The following HERC6 variants were observed in gnomAD, a reference collection of about 807,000 sequenced individuals.
HERC6 encodes the protein probable E3 ubiquitin-protein ligase HERC6.
In HERC6, 101 loss-of-function variants were observed where a neutral mutation model predicts 114.5. The ratio of observed to expected loss-of-function variants is 0.88; its 90% CI spans 0.75 to 1.04. HERC6 has a LOEUF of 1.04. HERC6 is among the 50% of genes least tolerant of loss of function. HERC6 has a pLI of 0.00. For missense variants in HERC6, 1,133 were observed against 1,230.9 expected, an observed-to-expected ratio of 0.92 and a Z score of 1.19; for synonymous variants, 408 against 436.2, an observed-to-expected ratio of 0.94 and a Z score of 0.81.
intron 12 of HERC6, among the ~76,000 whole-genome samples, chr4:88,414,908 A>G (rs1736347928): frequency 6.6e-6 from 1 of 152,024 alleles, no homozygotes; most frequent in Admixed American, 6.6e-5. Context: ...TCTCAGCCTT[A>G]TTTTACCCAG....
intron 20 of HERC6, among the ~76,000 whole-genome samples, chr4:88,439,393 G>A (rs1240261209): frequency 6.7e-6 from 1 of 149,382 alleles, no homozygotes; most frequent in Non-Finnish European, 1.5e-5. Context: ...AAGAAAGAAA[G>A]AAAAGGGAAG....
chr4:88,434,780 AC>A (rs1738573977), intron 17 of HERC6, among the ~76,000 whole-genome samples: 1 of 150,936 alleles, frequency 6.6e-6, no homozygotes, highest in Admixed American at 6.6e-5. Flanking sequence ...AAAAAAAAAA[AC>A]CAAAACAAAA....
At chr4:88,402,089 A>G (rs915898293) in intron 8 of HERC6, among the ~76,000 whole-genome samples, 1 of 152,186 alleles carries the variant, frequency 6.6e-6, no homozygotes, top group African/African-American at 2.4e-5. Flanking sequence ...TCATGGACAA[A>G]CAACAGGGCT....
chr4:88,390,048 A>C (rs749227743), intron 3 of HERC6, among the ~76,000 whole-genome samples: 1 of 151,970 alleles, frequency 6.6e-6, no homozygotes, highest in Non-Finnish European at 1.5e-5. Context: ...GCGTGGTGGC[A>C]CGCATTTGTA....
At chr4:88,402,990 A>G (rs1735622516) in intron 8 of HERC6, among the ~76,000 whole-genome samples, 1 of 152,234 alleles carries the variant, frequency 6.6e-6, no homozygotes, top group Non-Finnish European at 1.5e-5. Flanking sequence ...GCATTAAACC[A>G]AAATGATGCA....
At chr4:88,415,793 G>A (rs1350167887) in intron 12 of HERC6, among the ~76,000 whole-genome samples, 1 of 152,186 alleles carries the variant, frequency 6.6e-6, no homozygotes, top group Non-Finnish European at 1.5e-5. Context: ...CCAATACACT[G>A]AAAAAGTAGG....
At chr4:88,400,984 G>A (rs1735504854) in intron 8 of HERC6, among the ~76,000 whole-genome samples, 1 of 152,114 alleles carries the variant, frequency 6.6e-6, no homozygotes, top group African/African-American at 2.4e-5. Context: ...GGCTAATTCT[G>A]TCAAATACAG....
chr4:88,440,127 T>A, intron 21 of HERC6, 21 bp from the exon 22 acceptor site: 2 of 1,601,446 alleles, frequency 1.2e-6, no homozygotes. Flanking sequence ...TCAAATCATT[T>A]TTCTCCCTCT....
intron 13 of HERC6, among the ~76,000 whole-genome samples, chr4:88,419,237 C>T (rs543427514): frequency 2.6e-5 from 4 of 152,134 alleles, no homozygotes; most frequent in South Asian, 2.1e-4. Context: ...TTGGTGTCCA[C>T]GTTCTCTATG....
At chr4:88,384,568 C>T (rs568472164) in intron 2 of HERC6, among the ~76,000 whole-genome samples, 1 of 152,220 alleles carries the variant, frequency 6.6e-6, no homozygotes, top group East Asian at 1.9e-4. Context: ...AGGAAATCAC[C>T]TCTTGTTACC....
chr4:88,408,610 C>T lies in HERC6; in HGVS notation c.1361C>T (p.Ser454Phe). ...FKKLTKKEWI[S>F]SMITTCLEDD... ...AAGTTAACAAAAAAGGAATGGATTT[C>T]TTCCATGGTAATAGCCAATACTTAC... The change falls in exon 11 of 23, where the codon TCT (serine) becomes TTT (phenylalanine). Residue 454 changes from serine to phenylalanine, a missense_variant. Physicochemically the swap from Ser to Phe is radical, Grantham distance 155. Transcript: ENST00000264346. 1 of 1,567,064 alleles carries T rather than the reference C, an allele frequency of 6.4e-7. No homozygotes were observed. Among genetic ancestry groups the T allele is most frequent in the South Asian group, 1.2e-5 (1 of 85,764 alleles).
At chr4:88,412,083 T>C (rs1736135463) in intron 11 of HERC6, among the ~76,000 whole-genome samples, 1 of 152,176 alleles carries the variant, frequency 6.6e-6, no homozygotes, top group Non-Finnish European at 1.5e-5. Context: ...CACTTTCTAA[T>C]CGAGTAACGC....
chr4:88,386,686 G>A (rs1013820857), intron 3 of HERC6, among the ~76,000 whole-genome samples: 4 of 152,146 alleles, frequency 2.6e-5, no homozygotes, highest in Admixed American at 6.5e-5. Flanking sequence ...TGGAAGATAC[G>A]GGATATTTTA....
chr4:88,405,022 G>A (rs763072872), intron 9 of HERC6, 25 bp downstream of exon 9: 2 of 1,608,900 alleles, frequency 1.2e-6, no homozygotes, highest in Admixed American at 1.7e-5. Context: ...TAAATTATAA[G>A]CCACTTTTAT....
At chr4:88,398,241 A>G in intron 8 of HERC6, 32 bp downstream of exon 8, 1 of 1,390,562 alleles carries the variant, frequency 7.2e-7, no homozygotes, top group Non-Finnish European at 9.8e-7. Context: ...CCTCTTAAAA[A>G]TTATTTTTTC....
intron 7 of HERC6, among the ~76,000 whole-genome samples, chr4:88,397,937 C>T (rs1735331219): frequency 6.6e-6 from 1 of 152,030 alleles, no homozygotes; most frequent in African/African-American, 2.4e-5. Flanking sequence ...GAATATATGA[C>T]ATGTAATCTG....
At position 88,379,022 on chromosome 4, in the gene HERC6, ACT is replaced by A. The variant is rs746501042; in HGVS notation, c.106_107del (p.Leu36AlafsTer42). 8 of 1,568,080 alleles carry A rather than the reference ACT, an allele frequency of 5.1e-6. No homozygotes were observed. The highest frequency in any genetic ancestry group is 3.5e-5 in the South Asian group (3 of 85,468). On this transcript the variant is annotated frameshift_variant, in exon 1 of 23. Transcript: ENST00000264346. LOFTEE classifies it high-confidence loss of function. ...CTGCAGGCGGCCAGCGGGGAGCGCC[ACT>A]CTCTGCTGCTGCTGACCAACCACAG...
At chr4:88,384,112 T>G (rs1362733306) in intron 2 of HERC6, among the ~76,000 whole-genome samples, 1 of 152,186 alleles carries the variant, frequency 6.6e-6, no homozygotes, top group Non-Finnish European at 1.5e-5. Context: ...AGTGAGAGTT[T>G]CCTGGGAATT....
At chr4:88,436,254 C>A (rs995503125) in intron 18 of HERC6, among the ~76,000 whole-genome samples, 1 of 152,084 alleles carries the variant, frequency 6.6e-6, no homozygotes, top group Non-Finnish European at 1.5e-5. Context: ...AATAAAAAAA[C>A]TGAAAATATG....
Sources: gnomAD v4.1 joint callset for allele counts (sites outside exome capture counted in the v4.1 genomes callset) on GRCh38, gnomAD v4.1.1 for gene constraint, MANE v1.5 for transcripts, NCBI Gene and HGNC (gene_info 2026-07-23, HGNC 2026-07-21) for gene names.